The following CELF4 variants were observed in gnomAD, a reference collection of about 807,000 sequenced individuals.
CELF4 encodes CUGBP Elav-like family member 4.
Under a neutral mutation model 59.9 loss-of-function variants are expected in CELF4, and 18 were observed. The ratio of observed to expected loss-of-function variants is 0.30; its 90% CI spans 0.21 to 0.45. The LOEUF is 0.45. CELF4 is among the 20% of genes least tolerant of loss of function. CELF4 has a pLI of 1.00. For missense variants in CELF4, 456 were observed against 689.0 expected, an observed-to-expected ratio of 0.66 and a Z score of 3.79; for synonymous variants, 261 against 267.1, an observed-to-expected ratio of 0.98 and a Z score of 0.22.
intron 2 of CELF4, among the ~76,000 whole-genome samples, chr18:37,328,508 C>T (rs937236030): frequency 2.0e-5 from 3 of 152,182 alleles, no homozygotes; most frequent in African/African-American, 7.2e-5. Flanking sequence ...AAGGGCTCAC[C>T]TCGCCAAGCT....
rs531888457 is a variant in CELF4 at position 37,409,891 on chromosome 18, T to A, written c.369+75634A>T. ...GCTCCCTGGGGCACTGCAGACAGAG[T>A]TTGCTTTACAAAGTGACCCTTCACA... On this transcript the variant is annotated intron_variant, in intron 2 of 12. Transcript: ENST00000420428. Among the ~76,000 whole-genome samples, 3 of 152,056 alleles carry A rather than the reference T, an allele frequency of 2.0e-5. No homozygotes were observed. In the East Asian group the frequency reaches 5.8e-4, roughly 29 times the overall value.
chr18:37,415,063 A>C (rs2099516475), intron 2 of CELF4, among the ~76,000 whole-genome samples: 1 of 152,226 alleles, frequency 6.6e-6, no homozygotes, highest in African/African-American at 2.4e-5. Context: ...TATGTGTAAG[A>C]GTGGGCCAGG....
rs867938878 is a variant in CELF4 at position 37,338,403 on chromosome 18, A to G, written c.370-16522T>C. Among the ~76,000 whole-genome samples, 16 of 149,960 alleles carry G rather than the reference A, an allele frequency of 1.1e-4. No individual in the cohort carries two copies. The Middle Eastern group carries it at 0.01, about 96-fold the overall frequency. ...GACTGTCACTGACACCATTGTCACC[A>G]CTATCATTGTCACCATTATCAGCAC... is the stretch of plus-strand genomic sequence containing the variant. On this transcript the variant is annotated intron_variant, in intron 2 of 12. Transcript: ENST00000420428.
At chr18:37,291,458 G>T (rs2095328305) in intron 3 of CELF4, among the ~76,000 whole-genome samples, 1 of 152,206 alleles carries the variant, frequency 6.6e-6, no homozygotes, top group African/African-American at 2.4e-5. Context: ...TGTGGTCAGG[G>T]TCTGCCTTCA....
chr18:37,444,649 C>T (rs1283735069), intron 2 of CELF4, among the ~76,000 whole-genome samples: 1 of 150,332 alleles, frequency 6.7e-6, no homozygotes, highest in Non-Finnish European at 1.5e-5. Context: ...CACACACACA[C>T]ACACGCGAAC....
At chr18:37,513,307 G>T (rs1172221153) in intron 1 of CELF4, among the ~76,000 whole-genome samples, 1 of 152,222 alleles carries the variant, frequency 6.6e-6, no homozygotes, top group Non-Finnish European at 1.5e-5. Context: ...GCCACATGCA[G>T]GACCTTCTCT....
intron 2 of CELF4, among the ~76,000 whole-genome samples, chr18:37,338,879 C>G (rs575718981): frequency 1.1e-3 from 173 of 152,010 alleles, no homozygotes; most frequent in Non-Finnish European, 1.9e-3. Context: ...GCCCCAGGGC[C>G]AGCTTGACGT....
chr18:37,316,592 G>C (rs1394371053), intron 3 of CELF4, among the ~76,000 whole-genome samples: 2 of 151,958 alleles, frequency 1.3e-5, no homozygotes, highest in African/African-American at 4.8e-5. Flanking sequence ...TTGTGTTCGA[G>C]GCCCCATTTT....
chr18:37,486,414 G>T (rs533934097), intron 1 of CELF4, among the ~76,000 whole-genome samples: 1 of 152,236 alleles, frequency 6.6e-6, no homozygotes, highest in East Asian at 1.9e-4. Flanking sequence ...CCTCGCCAGG[G>T]AATCCGGATT....
intron 3 of CELF4, 121 bp from the exon 4 acceptor site, chr18:37,275,364 G>A: frequency 1.2e-6 from 1 of 839,798 alleles, no homozygotes; most frequent in Non-Finnish European, 1.7e-6. Flanking sequence ...GCGGGGGCTC[G>A]GAGCCGGCGG....
intron 7 of CELF4, 118 bp downstream of exon 7, chr18:37,272,898 C>G (rs1383720834): frequency 9.7e-7 from 1 of 1,026,716 alleles, no homozygotes; most frequent in Non-Finnish European, 1.4e-6. Context: ...TCCTCTCGGG[C>G]CCAGACACTA....
At chr18:37,408,500 G>GA (rs1569568995) in intron 2 of CELF4, among the ~76,000 whole-genome samples, 40 of 85,994 alleles carry the variant, frequency 4.7e-4, no homozygotes, top group Admixed American at 1.8e-3. Flanking sequence ...GCCGGGGGGG[G>GA]GCGCGGTGCA....
chr18:37,431,463 G>C (rs2099663653), intron 2 of CELF4, among the ~76,000 whole-genome samples: 6 of 149,884 alleles, frequency 4.0e-5, no homozygotes. Context: ...CGCCTCCCAG[G>C]TTCATGCCAT....
chr18:37,292,365 T>C (rs1174043072), intron 3 of CELF4, among the ~76,000 whole-genome samples: 2 of 152,178 alleles, frequency 1.3e-5, no homozygotes, highest in African/African-American at 4.8e-5. Flanking sequence ...AAGTGGAGGA[T>C]TGTGGTGACA....
chr18:37,447,250 G>C (rs2099750683), intron 2 of CELF4, among the ~76,000 whole-genome samples: 1 of 152,208 alleles, frequency 6.6e-6, no homozygotes, highest in South Asian at 2.1e-4. Flanking sequence ...GTGATCCAGA[G>C]CACGTCACAG....
At chr18:37,546,964 A>G (rs9957945) in intron 1 of CELF4, among the ~76,000 whole-genome samples, 1,579 of 152,284 alleles carry the variant, frequency 0.01, 30 homozygotes, top group African/African-American at 0.036. Flanking sequence ...AGTACTGCGA[A>G]AGAAGGCTGC....
chr18:37,375,424 G>T (rs547336348), intron 2 of CELF4, among the ~76,000 whole-genome samples: 2 of 152,254 alleles, frequency 1.3e-5, no homozygotes, highest in East Asian at 3.9e-4. Flanking sequence ...CAGCAAGGGG[G>T]CAGGGACACA....
At chr18:37,557,722 A>AACTGAGTTTGATCAAT (rs2099985216) in intron 1 of CELF4, among the ~76,000 whole-genome samples, 1 of 152,094 alleles carries the variant, frequency 6.6e-6, no homozygotes, top group South Asian at 2.1e-4. Flanking sequence ...GTTCATTATC[A>AACTGAGTTTGATCAAT]ATTTTTTTCC....
intron 2 of CELF4, among the ~76,000 whole-genome samples, chr18:37,456,863 A>G (rs1213343253): frequency 6.6e-6 from 1 of 152,098 alleles, no homozygotes; most frequent in Non-Finnish European, 1.5e-5. Flanking sequence ...GCATTTCCTG[A>G]GACCACACCT....
Sources: gnomAD v4.1 joint callset for allele counts (sites outside exome capture counted in the v4.1 genomes callset) on GRCh38, gnomAD v4.1.1 for gene constraint, MANE v1.5 for transcripts, NCBI Gene and HGNC (gene_info 2026-07-23, HGNC 2026-07-21) for gene names.